The following ERICH3 variants were observed in gnomAD, a reference collection of about 807,000 sequenced individuals.
The protein encoded by ERICH3 is glutamate rich 3, also known as glutamate-rich protein 3.
A neutral mutation model predicts 131.1 loss-of-function variants in ERICH3; 126 were observed. The observed-to-expected ratio is 0.96, with a 90% CI of 0.83 to 1.11. ERICH3 has a LOEUF of 1.11. ERICH3 is among the 50% of genes most tolerant of loss of function. The probability of loss-of-function intolerance (pLI) is 0.00; values close to 1 mark genes in which losing one functional copy is unlikely to be tolerated. For synonymous variants in ERICH3, 695 were observed against 644.6 expected (o/e 1.08, Z -1.18); for missense variants, 2,050 against 1,810.7 (o/e 1.13, Z -2.40).
chr1:74,594,562 A>C (rs1355316137), intron 11 of ERICH3, among the ~76,000 whole-genome samples: 2 of 152,080 alleles, frequency 1.3e-5, no homozygotes, highest in East Asian at 3.9e-4. Context: ...AAGAAAACAG[A>C]AACCTTGGTC....
At chr1:74,654,275 A>G (rs542193517) in intron 1 of ERICH3, among the ~76,000 whole-genome samples, 8 of 152,110 alleles carry the variant, frequency 5.3e-5, no homozygotes, top group African/African-American at 1.9e-4. Flanking sequence ...TTTAGTTCCA[A>G]AGCCACTTCC....
chr1:74,574,195 G>T (rs1175375650), intron 13 of ERICH3, among the ~76,000 whole-genome samples: 1 of 151,848 alleles, frequency 6.6e-6, no homozygotes, highest in Non-Finnish European at 1.5e-5. Context: ...TAGAGACAGG[G>T]TCTTTCCATG....
chr1:74,669,380 ACTATCT>A (rs1646720996), intron 1 of ERICH3, among the ~76,000 whole-genome samples: 1 of 152,132 alleles, frequency 6.6e-6, no homozygotes, highest in Non-Finnish European at 1.5e-5. Flanking sequence ...GATGAGTGCA[ACTATCT>A]CTATTTACAG....
chr1:74,571,590 T>C lies in ERICH3; in HGVS notation c.4120A>G (p.Lys1374Glu). ...GCAACATCTGAAAAGGAGGAGGCTT[T>C]ATTTGCTATTGTTTTCTCCTCGGCT... ...ETAEEKTIAN[K>E]ASSFSDVAEE... The change falls in exon 14 of 15, where the codon AAA (lysine) becomes GAA (glutamate). Residue 1374 changes from lysine (K) to glutamate (E), a missense_variant. Physicochemically the swap from Lys to Glu is moderately conservative, Grantham distance 56. Coordinates refer to ENST00000326665, the MANE Select transcript of ERICH3 (RefSeq NM_001002912.5). 1 of 1,614,134 alleles carries C rather than the reference T, an allele frequency of 6.2e-7. No homozygotes were observed. Among genetic ancestry groups the C allele is most frequent in the Non-Finnish European group, 8.5e-7 (1 of 1,180,008 alleles).
At chr1:74,591,654 G>A (rs1647611579) in intron 11 of ERICH3, among the ~76,000 whole-genome samples, 1 of 152,060 alleles carries the variant, frequency 6.6e-6, no homozygotes, top group Non-Finnish European at 1.5e-5. Flanking sequence ...AGCCACAGCT[G>A]GTTTATGTAA....
intron 7 of ERICH3, chr1:74,621,868 G>A (rs1305403955): frequency 6.6e-6 from 1 of 152,134 alleles, no homozygotes; most frequent in Non-Finnish European, 1.5e-5. Flanking sequence ...GACTTTAAGG[G>A]GGGCTAGTAA....
chr1:74,623,968 A>G (rs1191890469), intron 7 of ERICH3: 5 of 152,160 alleles, frequency 3.3e-5, no homozygotes, highest in African/African-American at 1.2e-4. Flanking sequence ...TATTGGAACT[A>G]TTCCCTTGTA....
chr1:74,576,828 G>A (rs1317376803), intron 13 of ERICH3, 67 bp downstream of exon 13: 20 of 1,398,146 alleles, frequency 1.4e-5, no homozygotes, highest in Non-Finnish European at 1.9e-5. Flanking sequence ...TGGGAAGTTT[G>A]ACCAGATTTA....
intron 12 of ERICH3, among the ~76,000 whole-genome samples, chr1:74,584,059 C>A (rs1345631644): frequency 1.3e-5 from 2 of 152,160 alleles, no homozygotes; most frequent in Admixed American, 6.6e-5. Flanking sequence ...TATCCCTGTG[C>A]TTTCATCATT....
intron 10 of ERICH3, among the ~76,000 whole-genome samples, chr1:74,605,908 A>C (rs1253237969): frequency 6.6e-6 from 1 of 151,766 alleles, no homozygotes. Flanking sequence ...ATTTATAAAA[A>C]GTGCTATATT....
chr1:74,590,903 GC>G (rs1647564491), intron 11 of ERICH3, among the ~76,000 whole-genome samples: 1 of 151,900 alleles, frequency 6.6e-6, no homozygotes. Context: ...TATTGAAAAC[GC>G]TTTATAAATA....
chr1:74,574,254 GGATTAC>G, intron 13 of ERICH3, among the ~76,000 whole-genome samples: 1 of 151,920 alleles, frequency 6.6e-6, no homozygotes, highest in Non-Finnish European at 1.5e-5. Context: ...CAAAGTGTTG[GGATTAC>G]AGGTGTGGGC....
At chr1:74,612,479 C>T in intron 9 of ERICH3, 144 bp downstream of exon 9, 1 of 616,604 alleles carries the variant, frequency 1.6e-6, no homozygotes, top group Non-Finnish European at 2.5e-6. Context: ...CGCCATGTTA[C>T]AATAAACAAC....
At position 74,572,425 on chromosome 1, in the gene ERICH3, CTCT is replaced by C; in HGVS notation, c.3282_3284del (p.Glu1095del). 6.2e-7 allele frequency: 1 copy of C among 1,613,908 alleles called. No homozygotes were observed. The highest frequency in any genetic ancestry group is 8.5e-7 in the Non-Finnish European group (1 of 1,180,022). ...CCCCTTCTTCCGCTTTAAGTTTTTG[CTCT>C]TCTTTAAAAGCATCTTCATCCTTGA... On this transcript the variant is annotated inframe_deletion, in exon 14 of 15. Coordinates refer to ENST00000326665, the MANE Select transcript of ERICH3 (RefSeq NM_001002912.5).
In ERICH3 at chr1:74,572,445, C is replaced by T. The variant is rs764901117; in HGVS notation, c.3265G>A (p.Glu1089Lys). 7 of 1,614,122 alleles carry T rather than the reference C, an allele frequency of 4.3e-6. No homozygotes were observed. The South Asian group carries it at 6.6e-5, about 15-fold the overall frequency. Residue 1089 changes from glutamate (E) to lysine (K), a missense_variant, in exon 14 of 15, where the codon GAA (glutamate) becomes AAA (lysine). Physicochemically the swap from Glu to Lys is moderately conservative, Grantham distance 56. Transcript: ENST00000326665. ...EVTRANALKD[E>K]DAFKEEQKLK... ...TTTTGCTCTTCTTTAAAAGCATCTT[C>T]ATCCTTGAGTGCATTTGCCCTTGTC...
At chr1:74,637,883 C>G (rs942023933) in intron 5 of ERICH3, among the ~76,000 whole-genome samples, 1 of 151,642 alleles carries the variant, frequency 6.6e-6, no homozygotes, top group Admixed American at 6.6e-5. Flanking sequence ...TGCACTTCAG[C>G]CTGGGCCACA....
At chr1:74,646,915 CAG>C (rs1261279874) in intron 2 of ERICH3, 123 bp from the exon 3 acceptor site, 16 of 251,036 alleles carry the variant, frequency 6.4e-5, no homozygotes, top group Middle Eastern at 1.3e-3. Flanking sequence ...CACACACACA[CAG>C]AGAGAGAAAG....
intron 1 of ERICH3, among the ~76,000 whole-genome samples, chr1:74,671,190 C>A (rs565385545): frequency 4.1e-5 from 6 of 146,240 alleles, no homozygotes; most frequent in Non-Finnish European, 7.6e-5. Context: ...GGACCCTTAT[C>A]ATTAGCTCTG....
At chr1:74,669,840 G>A (rs546720195) in intron 1 of ERICH3, among the ~76,000 whole-genome samples, 4 of 152,276 alleles carry the variant, frequency 2.6e-5, no homozygotes, top group African/African-American at 9.6e-5. Flanking sequence ...AAGGAATCAG[G>A]ACATCATTTA....
Sources: gnomAD v4.1 joint callset for allele counts (sites outside exome capture counted in the v4.1 genomes callset) on GRCh38, gnomAD v4.1.1 for gene constraint, MANE v1.5 for transcripts, NCBI Gene and HGNC (gene_info 2026-07-23, HGNC 2026-07-21) for gene names.